The following DYNC1I1 variants were observed in gnomAD, a reference collection of about 807,000 sequenced individuals.
The protein encoded by DYNC1I1 is dynein cytoplasmic 1 intermediate chain 1.
A neutral mutation model predicts 86.6 loss-of-function variants in DYNC1I1; 43 were observed. The observed-to-expected ratio is 0.50, with a 90% CI of 0.39 to 0.64. The LOEUF is 0.64. Among genes scored for constraint, DYNC1I1 ranks in the 30% least tolerant of loss-of-function variants. The pLI, the probability that DYNC1I1 is intolerant of heterozygous loss-of-function variation, is 0.00. For missense variants in DYNC1I1, 604 were observed against 788.8 expected, an observed-to-expected ratio of 0.77 and a Z score of 2.81; for synonymous variants, 262 against 283.7, an observed-to-expected ratio of 0.92 and a Z score of 0.77.
At chr7:95,863,981 G>A (rs188233957) in intron 5 of DYNC1I1, among the ~76,000 whole-genome samples, 3 of 152,330 alleles carry the variant, frequency 2.0e-5, no homozygotes, top group African/African-American at 7.2e-5. Context: ...AGTGAGAGAA[G>A]AGCCACATAG....
chr7:96,040,284 C>T (rs1048284850), intron 14 of DYNC1I1, among the ~76,000 whole-genome samples: 1 of 151,978 alleles, frequency 6.6e-6, no homozygotes, highest in Non-Finnish European at 1.5e-5. Flanking sequence ...AAATATAATT[C>T]TCTCCATGCT....
At chr7:95,894,530 T>C (rs1181016260) in intron 6 of DYNC1I1, among the ~76,000 whole-genome samples, 2 of 152,302 alleles carry the variant, frequency 1.3e-5, no homozygotes, top group East Asian at 3.9e-4. Flanking sequence ...GTGTATCTTC[T>C]TTTCAAACTT....
At chr7:96,081,964 C>A (rs944211272) in intron 16 of DYNC1I1, among the ~76,000 whole-genome samples, 1 of 151,988 alleles carries the variant, frequency 6.6e-6, no homozygotes, top group African/African-American at 2.4e-5. Flanking sequence ...TTTCATTTAA[C>A]ATCCCCTTGA....
intron 6 of DYNC1I1, among the ~76,000 whole-genome samples, chr7:95,975,718 T>C (rs1277863314): frequency 6.6e-6 from 1 of 152,216 alleles, no homozygotes; most frequent in African/African-American, 2.4e-5. Flanking sequence ...GTATTTGCCC[T>C]GTACTTAATA....
chr7:96,097,378 T>A (rs984168664), intron 16 of DYNC1I1, 105 bp from the exon 17 acceptor site: 1 of 1,225,530 alleles, frequency 8.2e-7, no homozygotes, highest in Non-Finnish European at 1.2e-6. Flanking sequence ...AAGGGAAACA[T>A]CTGCTTTGGA....
At chr7:95,970,135 G>A (rs1388644936) in intron 6 of DYNC1I1, among the ~76,000 whole-genome samples, 1 of 152,126 alleles carries the variant, frequency 6.6e-6, no homozygotes, top group Non-Finnish European at 1.5e-5. Flanking sequence ...CAAGGATAGG[G>A]TGGCTTGAGT....
At chr7:95,898,923 C>T (rs551871008) in intron 6 of DYNC1I1, among the ~76,000 whole-genome samples, 1 of 152,224 alleles carries the variant, frequency 6.6e-6, no homozygotes, top group South Asian at 2.1e-4. Flanking sequence ...AATACAACAA[C>T]CTATCCTATA....
In DYNC1I1 at chr7:96,028,503, G is replaced by A. The variant is rs368049969; in HGVS notation, c.1116+182G>A. Among the ~76,000 whole-genome samples, 10 of 152,300 alleles carry A rather than the reference G, an allele frequency of 6.6e-5. No individual in the cohort carries two copies. The South Asian group carries it at 1.9e-3, about 28-fold the overall frequency. ...AGATGAAGGAAGCACTGGCTTTAGG[G>A]ATGTCTCTTAATAACCTACATGTGC... On this transcript the variant is annotated intron_variant, in intron 11 of 16. Coordinates refer to ENST00000447467, the MANE Select transcript of DYNC1I1 (RefSeq NM_001135556.2).
At chr7:95,859,902 C>T (rs562721674) in intron 5 of DYNC1I1, among the ~76,000 whole-genome samples, 18 of 152,300 alleles carry the variant, frequency 1.2e-4, no homozygotes, top group African/African-American at 4.1e-4. Flanking sequence ...GCTTGCTTCC[C>T]GCTCCTTCTC....
At chr7:95,879,395 A>G (rs896174248) in intron 6 of DYNC1I1, among the ~76,000 whole-genome samples, 1 of 152,072 alleles carries the variant, frequency 6.6e-6, no homozygotes, top group South Asian at 2.1e-4. Context: ...TTTTGCTGAA[A>G]TCCTGTAGTC....
intron 14 of DYNC1I1, among the ~76,000 whole-genome samples, chr7:96,070,150 G>T (rs1243930390): frequency 2.6e-5 from 4 of 152,162 alleles, no homozygotes; most frequent in Non-Finnish European, 4.4e-5. Context: ...GATACTTTGT[G>T]CATTAGAAGG....
intron 6 of DYNC1I1, among the ~76,000 whole-genome samples, chr7:95,963,531 T>A (rs1411527466): frequency 6.6e-6 from 1 of 152,172 alleles, no homozygotes; most frequent in African/African-American, 2.4e-5. Flanking sequence ...AGGCAAAAAA[T>A]TCATGACTGC....
intron 5 of DYNC1I1, among the ~76,000 whole-genome samples, chr7:95,858,870 C>T (rs1789797769): frequency 6.8e-6 from 1 of 147,842 alleles, no homozygotes. Context: ...TATTCCTTTT[C>T]ATTCTTTTTT....
At chr7:95,841,275 A>C (rs1789273542) in intron 5 of DYNC1I1, among the ~76,000 whole-genome samples, 1 of 152,180 alleles carries the variant, frequency 6.6e-6, no homozygotes, top group Admixed American at 6.5e-5. Context: ...AAGTATCCTC[A>C]CATTCATTTA....
intron 6 of DYNC1I1, among the ~76,000 whole-genome samples, chr7:95,936,707 A>T (rs1159686488): frequency 6.6e-6 from 1 of 151,968 alleles, no homozygotes; most frequent in Non-Finnish European, 1.5e-5. Context: ...TAAAAATACG[A>T]TTGTTCCAGG....
intron 1 of DYNC1I1, among the ~76,000 whole-genome samples, chr7:95,792,096 C>T (rs1449284701): frequency 1.3e-5 from 2 of 152,214 alleles, no homozygotes; most frequent in African/African-American, 4.8e-5. Context: ...GCACTCAGTG[C>T]TAGGCACTAA....
intron 6 of DYNC1I1, among the ~76,000 whole-genome samples, chr7:95,885,184 T>C (rs1158191962): frequency 2.6e-5 from 4 of 152,162 alleles, no homozygotes; most frequent in African/African-American, 9.7e-5. Flanking sequence ...TTCTTTTTTT[T>C]TGAAATGGAG....
intron 6 of DYNC1I1, among the ~76,000 whole-genome samples, chr7:95,941,120 G>A (rs755464311): frequency 3.5e-4 from 54 of 152,134 alleles, no homozygotes; most frequent in African/African-American, 1.2e-3. Context: ...GTGGGTTTTC[G>A]TGAACCGCCT....
intron 10 of DYNC1I1, among the ~76,000 whole-genome samples, chr7:96,011,766 C>T (rs1402922126): frequency 6.6e-6 from 1 of 152,166 alleles, no homozygotes; most frequent in African/African-American, 2.4e-5. Context: ...GTTCAATTAA[C>T]TTTCAATTAT....
Sources: gnomAD v4.1 joint callset for allele counts (sites outside exome capture counted in the v4.1 genomes callset) on GRCh38, gnomAD v4.1.1 for gene constraint, MANE v1.5 for transcripts, NCBI Gene and HGNC (gene_info 2026-07-23, HGNC 2026-07-21) for gene names.